ITGA9: variants seen among roughly 807,000 people sequenced by gnomAD.
ITGA9 encodes the protein integrin alpha-9.
In ITGA9, 56 loss-of-function variants were observed where a neutral mutation model predicts 127.8. The ratio of observed to expected loss-of-function variants is 0.44; its 90% CI spans 0.35 to 0.55. The LOEUF is 0.55. Ranked by LOEUF, ITGA9 falls within the 20% of genes least tolerant of loss-of-function variation. ITGA9 has a pLI of 0.00. For synonymous variants in ITGA9, 508 were observed against 514.5 expected (o/e 0.99, Z 0.17); for missense variants, 1,196 against 1,347.1 (o/e 0.89, Z 1.76).
intron 27 of ITGA9, among the ~76,000 whole-genome samples, chr3:37,809,884 G>T (rs1449883305): frequency 6.6e-6 from 1 of 152,154 alleles, no homozygotes; most frequent in South Asian, 2.1e-4. Context: ...TTAATTGATG[G>T]TCTAAACTCC....
intron 20 of ITGA9, among the ~76,000 whole-genome samples, chr3:37,738,661 C>T (rs191763060): frequency 6.6e-6 from 1 of 152,298 alleles, no homozygotes; most frequent in Non-Finnish European, 1.5e-5. Context: ...CATTCTCTTG[C>T]CATTTCTTGG....
At chr3:37,800,369 A>T (rs906582773) in intron 26 of ITGA9, among the ~76,000 whole-genome samples, 3 of 152,194 alleles carry the variant, frequency 2.0e-5, no homozygotes, top group Non-Finnish European at 4.4e-5. Context: ...ACATTTCCCT[A>T]TCAGACCGCC....
chr3:37,509,196 T>G (rs948309071), intron 8 of ITGA9, among the ~76,000 whole-genome samples: 11 of 152,222 alleles, frequency 7.2e-5, no homozygotes, highest in Admixed American at 3.3e-4. Context: ...GTGAGATTAC[T>G]CTGCCTGGGT....
chr3:37,526,357 C>T (rs1303038202), intron 13 of ITGA9, among the ~76,000 whole-genome samples: 1 of 152,152 alleles, frequency 6.6e-6, no homozygotes, highest in Non-Finnish European at 1.5e-5. Context: ...GGTAGCCTAA[C>T]TCTTAAGCCT....
chr3:37,509,425 G>A (rs973622610), intron 8 of ITGA9, among the ~76,000 whole-genome samples: 2 of 152,012 alleles, frequency 1.3e-5, no homozygotes, highest in African/African-American at 4.8e-5. Context: ...GGAGCTGTGG[G>A]GGTAATTTGG....
At chr3:37,795,603 G>A (rs186661002) in intron 26 of ITGA9, among the ~76,000 whole-genome samples, 21 of 152,142 alleles carry the variant, frequency 1.4e-4, no homozygotes, top group East Asian at 5.8e-4. Flanking sequence ...CCCCATTTTC[G>A]TCTGTTTTGT....
At chr3:37,753,250 A>G (rs1389812601) in intron 23 of ITGA9, among the ~76,000 whole-genome samples, 1 of 152,248 alleles carries the variant, frequency 6.6e-6, no homozygotes, top group East Asian at 1.9e-4. Context: ...CTCAGCAAGT[A>G]CCTATTACGT....
At chr3:37,642,282 G>C (rs777202642) in intron 16 of ITGA9, among the ~76,000 whole-genome samples, 12 of 152,156 alleles carry the variant, frequency 7.9e-5, no homozygotes, top group Non-Finnish European at 1.5e-4. Flanking sequence ...ACATCTAACA[G>C]AACGTGTTAT....
intron 26 of ITGA9, among the ~76,000 whole-genome samples, chr3:37,798,983 T>C (rs1697205693): frequency 6.6e-6 from 1 of 152,224 alleles, no homozygotes; most frequent in Non-Finnish European, 1.5e-5. Context: ...TATTTTGTGA[T>C]TGACCATAGT....
intron 17 of ITGA9, among the ~76,000 whole-genome samples, chr3:37,655,235 G>A (rs6795589): frequency 0.015 from 2,219 of 152,244 alleles, 24 homozygotes; most frequent in African/African-American, 0.038. Context: ...GGGTCAAATG[G>A]TATTTCTGGT....
chr3:37,547,903 C>T (rs909817207), intron 15 of ITGA9, among the ~76,000 whole-genome samples: 1 of 152,154 alleles, frequency 6.6e-6, no homozygotes, highest in Non-Finnish European at 1.5e-5. Context: ...CAAAGGCAAC[C>T]ACAGTTCCAT....
At chr3:37,785,626 C>T (rs1697030402) in intron 26 of ITGA9, among the ~76,000 whole-genome samples, 1 of 152,066 alleles carries the variant, frequency 6.6e-6, no homozygotes, top group African/African-American at 2.4e-5. Flanking sequence ...GGCACACTAC[C>T]ATGCCTAATT....
At chr3:37,550,253 T>C (rs527603149) in intron 15 of ITGA9, among the ~76,000 whole-genome samples, 113 of 152,334 alleles carry the variant, frequency 7.4e-4, no homozygotes, top group African/African-American at 2.7e-3. Context: ...ACTTATTATA[T>C]GCCAGATACT....
At chr3:37,528,680 A>G (rs937657345) in intron 13 of ITGA9, among the ~76,000 whole-genome samples, 1 of 152,114 alleles carries the variant, frequency 6.6e-6, no homozygotes, top group Admixed American at 6.5e-5. Flanking sequence ...AATGCAACCA[A>G]TGTTTGGTAA....
intron 1 of ITGA9, among the ~76,000 whole-genome samples, chr3:37,463,402 A>G (rs79023131): frequency 0.027 from 4,048 of 152,238 alleles, 68 homozygotes; most frequent in Non-Finnish European, 0.045. Flanking sequence ...TCTGTGGTCA[A>G]CTTCTGGGTT....
At chr3:37,795,494 G>T (rs183828321) in intron 26 of ITGA9, among the ~76,000 whole-genome samples, 1 of 152,202 alleles carries the variant, frequency 6.6e-6, no homozygotes, top group Non-Finnish European at 1.5e-5. Context: ...CCTCAGGTAC[G>T]TTAAATTCTA....
At chr3:37,474,596 C>T (rs1461758427) in intron 3 of ITGA9, among the ~76,000 whole-genome samples, 2 of 152,198 alleles carry the variant, frequency 1.3e-5, no homozygotes, top group African/African-American at 4.8e-5. Flanking sequence ...CGGAAGAACC[C>T]CTGCACCCTT....
chr3:37,609,329 T>TG (rs1559548402), intron 15 of ITGA9, among the ~76,000 whole-genome samples: 1 of 152,232 alleles, frequency 6.6e-6, no homozygotes, highest in East Asian at 1.9e-4. Flanking sequence ...AAACAGGTCT[T>TG]GGCTTATCTA....
At chr3:37,789,487 C>T (rs901795091) in intron 26 of ITGA9, among the ~76,000 whole-genome samples, 26 of 151,836 alleles carry the variant, frequency 1.7e-4, no homozygotes, top group Non-Finnish European at 3.2e-4. Context: ...CAGCCAGGCG[C>T]GGTGGCTCAC....
Sources: allele counts gnomAD v4.1 joint callset (sites outside exome capture counted in the v4.1 genomes callset), GRCh38; gene constraint gnomAD v4.1.1; transcripts MANE v1.5; gene names NCBI Gene and HGNC (gene_info 2026-07-23, HGNC 2026-07-21).